Variants in PCDHA5 observed in about 807,000 individuals in gnomAD.
The protein encoded by PCDHA5 is protocadherin alpha-5.
In PCDHA5, 43 loss-of-function variants were observed where a neutral mutation model predicts 61.6. The observed-to-expected ratio is 0.70, with a 90% confidence interval of 0.55 to 0.90. The LOEUF (loss-of-function observed/expected upper bound fraction) is 0.90, where lower values mean the gene tolerates loss of function less well. PCDHA5 is among the 40% of genes least tolerant of loss of function. The probability of loss-of-function intolerance (pLI) is 0.00; values close to 1 mark genes in which losing one functional copy is unlikely to be tolerated. For missense variants in PCDHA5, 1,298 were observed against 1,222.7 expected (o/e 1.06, Z -0.92); for synonymous variants, 627 against 543.9 (o/e 1.15, Z -2.13).
At chr5:140,870,806 A>AGAGT in intron 1 of PCDHA5, 1 of 1,613,688 alleles carries the variant, frequency 6.2e-7, no homozygotes, top group Non-Finnish European at 8.5e-7. Flanking sequence ...CTGGCGACTC[A>AGAGT]GGCTGGCAGC....
rs373307820 is a variant in PCDHA5 at position 140,857,638 on chromosome 5, A to G, written c.2352+33511A>G. The G allele has an allele frequency of 1.1e-4, 174 of 1,596,206 alleles. 22 individuals are homozygous for G. The highest frequency in any genetic ancestry group is 1.4e-4 in the Non-Finnish European group (161 of 1,167,602). ...TGGACCACGAGGAGCTGGAGCTGCT[A>G]CAGTTCCAGGTGAGCGCGCGCGATG... is the stretch of plus-strand genomic sequence containing the variant. On this transcript the variant is annotated intron_variant, in intron 1 of 3. Transcript: ENST00000529859.
At chr5:140,920,718 C>A (rs183020461) in intron 1 of PCDHA5, among the ~76,000 whole-genome samples, 3 of 152,168 alleles carry the variant, frequency 2.0e-5, no homozygotes, top group East Asian at 3.9e-4. Context: ...GTGGTGTGCG[C>A]CTGCAGTCCC....
chr5:140,842,285 G>A lies in PCDHA5; in HGVS notation c.2352+18158G>A, dbSNP rs1777851856. 1.9e-6 allele frequency: 3 copies of A among 1,610,382 alleles called. No homozygotes were observed. The highest frequency in any genetic ancestry group is 2.5e-6 in the Non-Finnish European group (3 of 1,176,908). On this transcript the variant is annotated intron_variant, in intron 1 of 3. Transcript: ENST00000529859. ...AAACTTATACAAAATCCTCATTGAC[G>A]CCACGGACAAAGGCCATCCTCCCAT...
At chr5:140,962,104 C>T (rs1387807188) in intron 1 of PCDHA5, among the ~76,000 whole-genome samples, 1 of 152,056 alleles carries the variant, frequency 6.6e-6, no homozygotes, top group Non-Finnish European at 1.5e-5. Context: ...CCAGGATGGT[C>T]TCGATCTCCT....
rs191251073 is a variant in PCDHA5, at chr5:140,928,748, G to C, written c.2353-50201G>C. ...ATTTCAGCCAATATAGGTGAGCTCCGTACTGCTCGCTTAGTTCTTCCCACT... is the reference window on the plus strand; with the variant it reads ...ATTTCAGCCAATATAGGTGAGCTCCCTACTGCTCGCTTAGTTCTTCCCACT... On this transcript the variant is annotated intron_variant, in intron 1 of 3. Coordinates refer to ENST00000529859, the MANE Select transcript of PCDHA5 (RefSeq NM_018908.3). The C allele has an allele frequency of 1.9e-6, 3 of 1,614,114 alleles. No individual in the cohort carries two copies. In the Admixed American group the frequency reaches 5.0e-5, roughly 27 times the overall value.
intron 1 of PCDHA5, chr5:140,882,074 G>C (rs1276421996): frequency 1.1e-6 from 1 of 886,834 alleles, no homozygotes. Context: ...CATGCGCATG[G>C]TGTCGCTCTT....
chr5:140,858,176 G>A, intron 1 of PCDHA5: 1 of 1,597,746 alleles, frequency 6.3e-7, no homozygotes, highest in Non-Finnish European at 8.6e-7. Flanking sequence ...CAGCTTGCTG[G>A]TGCTCACGCT....
At chr5:140,842,015 G>C in intron 1 of PCDHA5, 1 of 1,613,814 alleles carries the variant, frequency 6.2e-7, no homozygotes, top group East Asian at 2.2e-5. Flanking sequence ...GCTGGTCACA[G>C]TGCTGGATGT....
chr5:140,993,786 C>G (rs2097581960), intron 3 of PCDHA5, among the ~76,000 whole-genome samples: 1 of 152,162 alleles, frequency 6.6e-6, no homozygotes, highest in Admixed American at 6.5e-5. Flanking sequence ...TGTACAGTAA[C>G]ATGCTGTGCA....
At position 140,840,122 on chromosome 5, in the gene PCDHA5, T is replaced by A. The variant is rs184520865; in HGVS notation, c.2352+15995T>A. On this transcript the variant is annotated intron_variant, in intron 1 of 3. Coordinates refer to ENST00000529859, the MANE Select transcript of PCDHA5 (RefSeq NM_018908.3). ...TAGTGAAATCGAGTGAAAGCTGTACTAATAAGGACAGAAATTATCACACGT... is the reference window on the plus strand; with the variant it reads ...TAGTGAAATCGAGTGAAAGCTGTACAAATAAGGACAGAAATTATCACACGT... 2.2e-3 allele frequency among the ~76,000 whole-genome samples: 336 copies of A among 152,116 alleles called. 4 individuals are homozygous for A. The highest frequency in any genetic ancestry group is 7.4e-3 in the African/African-American group (307 of 41,470).
chr5:140,849,790 C>G lies in PCDHA5; in HGVS notation c.2352+25663C>G, dbSNP rs2150450402. 2.5e-6 allele frequency: 4 copies of G among 1,598,236 alleles called. 1 individual carries two copies. The highest frequency in any genetic ancestry group is 2.2e-5 in the East Asian group (1 of 44,828). ...GTGGTTACCGCGCGGGACGGGGGCT[C>G]GCCTTCACTGTGGGCCACGGCCAGG... On this transcript the variant is annotated intron_variant, in intron 1 of 3. Transcript: ENST00000529859.
intron 1 of PCDHA5, chr5:140,858,351 T>G: frequency 6.3e-7 from 1 of 1,594,234 alleles, no homozygotes; most frequent in Non-Finnish European, 8.6e-7. Context: ...GCGGACCTCA[T>G]GGCCTTCAGC....
intron 1 of PCDHA5, chr5:140,841,399 G>A: frequency 6.2e-7 from 1 of 1,613,120 alleles, no homozygotes; most frequent in Non-Finnish European, 8.5e-7. Context: ...CCTGGAAGGT[G>A]GGGAGCGGCC....
chr5:140,850,812 A>C, intron 1 of PCDHA5: 1 of 1,598,316 alleles, frequency 6.3e-7, no homozygotes, highest in Non-Finnish European at 8.6e-7. Flanking sequence ...CATGGCCTTC[A>C]GCCCGGGCCT....
rs1554129201 is a variant in PCDHA5 at position 140,823,217 on chromosome 5, C to T, written c.1442C>T (p.Ala481Val). The change falls in exon 1 of 4, where the codon GCG (alanine) becomes GTG (valine). Residue 481 changes from alanine (A) to valine (V), a missense_variant. By Grantham distance (64) the Ala-to-Val change is moderately conservative. Transcript: ENST00000529859. ...ATCTTCACGGTGTCTGCACGGGACG[C>T]GGACGCGCAGGAGAACGCCCTGGTG... ...CHIFTVSARD[A>V]DAQENALVSY... 6.2e-7 allele frequency: 1 copy of T among 1,613,776 alleles called. No homozygotes were observed. Among genetic ancestry groups the T allele is most frequent in the Non-Finnish European group, 8.5e-7 (1 of 1,179,824 alleles).
rs2150251628 is a variant in PCDHA5, at chr5:140,836,057, G to C, written c.2352+11930G>C. On this transcript the variant is annotated intron_variant, in intron 1 of 3. Coordinates refer to ENST00000529859, the MANE Select transcript of PCDHA5 (RefSeq NM_018908.3). The stretch of plus-strand genomic sequence containing the variant: ...CGCTGCAGGTGTTCGTGCTGGACGA[G>C]AACGACAACGCGCCGGCACTGCTGG... The C allele has an allele frequency of 3.1e-6, 5 of 1,613,614 alleles. No homozygotes were observed. In the South Asian group the frequency reaches 4.4e-5, roughly 14 times the overall value.
At chr5:140,978,499 T>A (rs1178288273) in intron 1 of PCDHA5, among the ~76,000 whole-genome samples, 1 of 152,238 alleles carries the variant, frequency 6.6e-6, no homozygotes, top group African/African-American at 2.4e-5. Flanking sequence ...AGCAGCAGAT[T>A]GCAGTCCTCT....
chr5:140,849,687 G>T, intron 1 of PCDHA5: 1 of 1,598,686 alleles, frequency 6.3e-7, no homozygotes. Context: ...CTTCAAGCTG[G>T]TGTCCACCTA....
At chr5:140,936,773 C>T (rs916525557) in intron 1 of PCDHA5, among the ~76,000 whole-genome samples, 3 of 152,280 alleles carry the variant, frequency 2.0e-5, no homozygotes, top group African/African-American at 7.2e-5. Context: ...TGTAAGTTCT[C>T]TCACTTTGTT....
Sources: allele counts gnomAD v4.1 joint callset (sites outside exome capture counted in the v4.1 genomes callset), GRCh38; gene constraint gnomAD v4.1.1; transcripts MANE v1.5; gene names NCBI Gene and HGNC (gene_info 2026-07-23, HGNC 2026-07-21).